Variants in FAT4 observed in about 807,000 individuals in gnomAD.
The protein encoded by FAT4 is protocadherin Fat 4.
A neutral mutation model predicts 303.9 loss-of-function variants in FAT4; 84 were observed. The ratio of observed to expected loss-of-function variants is 0.28; its 90% CI spans 0.23 to 0.33. FAT4 has a LOEUF of 0.33. Among genes scored for constraint, FAT4 ranks in the 10% least tolerant of loss-of-function variants. The pLI is 1.00. For synonymous variants in FAT4, 2,307 were observed against 2,298.8 expected (o/e 1.00, Z -0.10); for missense variants, 6,005 against 6,146.8 (o/e 0.98, Z 0.77).
rs1730540433 is a variant in FAT4, at chr4:125,315,553, GTACAAATAA to G, written c.-435_-427del. On this transcript the variant is annotated 5_prime_UTR_variant, in exon 1 of 18. It removes an upstream start codon present in the reference 5' UTR. Transcript: ENST00000394329. Reference sequence around the variant, plus strand: ...AGGGGAAACTGCGTTCGATTTGGATGTACAAATAATGGGTCGGCAGGCGCCCCGGCAGAG... The same window carrying G: ...AGGGGAAACTGCGTTCGATTTGGATGTGGGTCGGCAGGCGCCCCGGCAGAG... 6.6e-6 allele frequency among the ~76,000 whole-genome samples: 1 copy of G among 152,160 alleles called. No individual in the cohort carries two copies.
Position 125,456,389 on chromosome 4 carries a change from T to C in FAT4, c.11800+3579T>C, listed in dbSNP as rs77384771. Among the ~76,000 whole-genome samples, 358 of 152,308 alleles carry C rather than the reference T, an allele frequency of 2.4e-3. 2 individuals are homozygous for C. Among genetic ancestry groups the C allele is most frequent in the Non-Finnish European group, 4.0e-3 (275 of 68,018 alleles). On this transcript the variant is annotated intron_variant, in intron 10 of 17. Coordinates refer to ENST00000394329, the MANE Select transcript of FAT4 (RefSeq NM_001291303.3). ...GAGTTCACTTCAGTCTTCATTTGCA[T>C]AGTAGGAGATAATCCAACTGATCAG...
At chr4:125,396,206 A>G (rs557907918) in intron 2 of FAT4, among the ~76,000 whole-genome samples, 2 of 152,130 alleles carry the variant, frequency 1.3e-5, no homozygotes, top group East Asian at 3.9e-4. Context: ...TAACTCACCT[A>G]TCCAATGGGA....
At position 125,319,993 on chromosome 4, in the gene FAT4, C is replaced by T; in HGVS notation, c.3582C>T (p.Ala1194=). The change falls in exon 2 of 18, where the codon GCC becomes GCT. Residue 1194 remains alanine, a synonymous_variant. Transcript: ENST00000394329. ...QGIPQPLKDQ[A]TVHVYMKDIN... ...TCCCTCAGCCTCTCAAGGATCAGGCCACTGTACATGTTTACATGAAGGATA... is the reference window on the plus strand; with the variant it reads ...TCCCTCAGCCTCTCAAGGATCAGGCTACTGTACATGTTTACATGAAGGATA... 2 of 1,612,906 alleles carry T rather than the reference C, an allele frequency of 1.2e-6. No individual in the cohort carries two copies. The highest frequency in any genetic ancestry group is 1.7e-6 in the Non-Finnish European group (2 of 1,179,986).
chr4:125,418,616 C>T (rs1004302666), intron 7 of FAT4, among the ~76,000 whole-genome samples: 5 of 150,480 alleles, frequency 3.3e-5, no homozygotes, highest in African/African-American at 1.2e-4. Flanking sequence ...AAACAGACTA[C>T]AATTCCATTA....
chr4:125,431,585 A>G (rs1438371956), intron 7 of FAT4, among the ~76,000 whole-genome samples: 1 of 152,208 alleles, frequency 6.6e-6, no homozygotes, highest in Non-Finnish European at 1.5e-5. Context: ...AACATAGAAT[A>G]TAATTTATGT....
In FAT4 at chr4:125,439,335, CT is replaced by C. The variant is rs748291081; in HGVS notation, c.7199+4925del. On this transcript the variant is annotated intron_variant, in intron 8 of 17. Transcript: ENST00000394329. Reference sequence around the variant, plus strand: ...CAACATTCTAAGGAAGATTTCTTTTCTTTTTTTTTTTTTTTGAGATGGAGTC... The same window carrying C: ...CAACATTCTAAGGAAGATTTCTTTTCTTTTTTTTTTTTTTGAGATGGAGTC... Among the ~76,000 whole-genome samples, 634 of 139,942 alleles carry C rather than the reference CT, an allele frequency of 4.5e-3. 2 individuals carry two copies. The highest frequency in any genetic ancestry group is 8.8e-3 in the African/African-American group (335 of 38,222). The allele number at this position is 139,942 out of a possible 152,430, so 91.8% of individuals were successfully genotyped here.
Position 125,319,405 on chromosome 4 carries a change from A to C in FAT4, c.2994A>C (p.Gln998His), listed in dbSNP as rs1034387310. Reference protein sequence around the residue: ...DVNDNSPVFDQLSYEVTLSES... With the variant: ...DVNDNSPVFDHLSYEVTLSES... ...ATGACAATTCACCAGTGTTTGACCA[A>C]CTCTCTTATGAAGTCACCCTTTCTG... is the stretch of plus-strand genomic sequence containing the variant. The change falls in exon 2 of 18, where the codon CAA becomes CAC. Residue 998 changes from glutamine (Q) to histidine (H), a missense_variant. Coordinates refer to ENST00000394329, the MANE Select transcript of FAT4 (RefSeq NM_001291303.3). The C allele has an allele frequency of 5.6e-6, 9 of 1,613,300 alleles. No individual in the cohort carries two copies. The highest frequency in any genetic ancestry group is 7.6e-6 in the Non-Finnish European group (9 of 1,179,886).
At position 125,321,372 on chromosome 4, in the gene FAT4, C is replaced by T. The variant is rs775639653; in HGVS notation, c.4961C>T (p.Ala1654Val). ...ACAAACGTGATATCAATAGAAGCAG[C>T]TAGCCCCAGAGGATCTGAGGCCCCA... ...IGTNVISIEAASPRGSEAPVE... is the reference protein window; with the variant it reads ...IGTNVISIEAVSPRGSEAPVE... Residue 1654 changes from alanine to valine, a missense_variant, in exon 2 of 18, where the codon GCT becomes GTT. Physicochemically the swap from Ala to Val is moderately conservative, Grantham distance 64. Coordinates refer to ENST00000394329, the MANE Select transcript of FAT4 (RefSeq NM_001291303.3). 2 of 1,614,106 alleles carry T rather than the reference C, an allele frequency of 1.2e-6. No homozygotes were observed. The highest frequency in any genetic ancestry group is 1.7e-6 in the Non-Finnish European group (2 of 1,179,982).
chr4:125,369,315 C>T (rs564768874), intron 2 of FAT4, among the ~76,000 whole-genome samples: 20 of 152,176 alleles, frequency 1.3e-4, no homozygotes, highest in Admixed American at 1.2e-3. Flanking sequence ...TGCATTAATA[C>T]CAGTTACTCA....
At chr4:125,402,509 G>T (rs1434619375) in intron 3 of FAT4, among the ~76,000 whole-genome samples, 2 of 151,908 alleles carry the variant, frequency 1.3e-5, no homozygotes, top group Non-Finnish European at 2.9e-5. Context: ...GGTAAATGTG[G>T]GTAATGTCTT....
Position 125,316,415 on chromosome 4 carries a change from G to T in FAT4, c.4G>T (p.Asp2Tyr), listed in dbSNP as rs372684455. ...ATCGTTTTAGGGAGCCAGGACCATG[G>T]ACTTAGCACCAGACAGGGCTACTGG... M[D>Y]LAPDRATGRP... is the part of the protein sequence containing the mutation. Residue 2 changes from aspartate to tyrosine, a missense_variant, in exon 2 of 18, where the codon GAC (aspartate) becomes TAC (tyrosine). By Grantham distance (160) the Asp-to-Tyr change is radical (BLOSUM62 -3). Coordinates refer to ENST00000394329, the MANE Select transcript of FAT4 (RefSeq NM_001291303.3). This position sits in a 1 kb window ranked among gnomAD's most constrained non-coding sequence, Gnocchi z 5.7. The T allele has an allele frequency of 3.1e-6, 5 of 1,607,520 alleles. No homozygotes were observed. In the African/African-American group the frequency reaches 6.7e-5, roughly 21 times the overall value.
chr4:125,488,205 G>A (rs1233149855), intron 17 of FAT4, among the ~76,000 whole-genome samples: 2 of 152,248 alleles, frequency 1.3e-5, no homozygotes, highest in African/African-American at 2.4e-5. Flanking sequence ...TAAAGAAATC[G>A]TTTAAGCCAA....
intron 10 of FAT4, among the ~76,000 whole-genome samples, chr4:125,459,094 C>G (rs1211731585): frequency 6.6e-6 from 1 of 151,908 alleles, no homozygotes; most frequent in Non-Finnish European, 1.5e-5. Flanking sequence ...ATTCTCCCAT[C>G]TCCTCTGTGT....
At chr4:125,424,787 G>C (rs763942574) in intron 7 of FAT4, among the ~76,000 whole-genome samples, 1 of 152,152 alleles carries the variant, frequency 6.6e-6, no homozygotes, top group South Asian at 2.1e-4. Flanking sequence ...ACATGATGCG[G>C]TTAAATTAAC....
In FAT4 at chr4:125,451,104, G is replaced by A. The variant is rs752591843; in HGVS notation, c.10094G>A (p.Arg3365Gln). The A allele has an allele frequency of 3.1e-6, 5 of 1,614,078 alleles. No individual in the cohort carries two copies. The highest frequency in any genetic ancestry group is 2.2e-5 in the East Asian group (1 of 44,858). The change falls in exon 10 of 18, where the codon CGA becomes CAA. Residue 3365 changes from arginine to glutamine, a missense_variant. By Grantham distance (43) the Arg-to-Gln change is conservative (BLOSUM62 1). Transcript: ENST00000394329. Reference sequence around the variant, plus strand: ...ATTTATGTTTCTGGAATTCTTGATCGAGAAAAAGAAGAAAGGGTGTCTTTG... The same window carrying A: ...ATTTATGTTTCTGGAATTCTTGATCAAGAAAAAGAAGAAAGGGTGTCTTTG... Reference protein sequence around the residue: ...GQIYVSGILDREKEERVSLKV... With the variant: ...GQIYVSGILDQEKEERVSLKV...
At chr4:125,432,756 C>T (rs779990314) in intron 7 of FAT4, among the ~76,000 whole-genome samples, 2 of 151,712 alleles carry the variant, frequency 1.3e-5, no homozygotes, top group Admixed American at 6.6e-5. Context: ...ATTTCTTAGA[C>T]GTCAAAATTT....
rs1415437461 is a variant in FAT4 at position 125,406,983 on chromosome 4, G to T, written c.5411G>T (p.Arg1804Met). The T allele has an allele frequency of 1.9e-6, 3 of 1,613,868 alleles. No homozygotes were observed. The African/African-American group carries it at 4.0e-5, about 22-fold the overall frequency. ...GDLIATRRLD[R>M]ERRSKYSLLV... ...CTGATAGCAACCAGGCGGTTGGACA[G>T]GGAACGCCGCTCCAAATATTCACTG... The change falls in exon 4 of 18, where the codon AGG becomes ATG. Residue 1804 changes from arginine to methionine, a missense_variant. Coordinates refer to ENST00000394329, the MANE Select transcript of FAT4 (RefSeq NM_001291303.3).
intron 7 of FAT4, among the ~76,000 whole-genome samples, chr4:125,425,272 C>T (rs1003053443): frequency 2.0e-5 from 3 of 152,074 alleles, no homozygotes; most frequent in Non-Finnish European, 4.4e-5. Context: ...AAAAACTAAA[C>T]AACTTGTACT....
At chr4:125,365,272 C>G (rs1732833567) in intron 2 of FAT4, among the ~76,000 whole-genome samples, 1 of 152,100 alleles carries the variant, frequency 6.6e-6, no homozygotes, top group Admixed American at 6.6e-5. Flanking sequence ...GATATGTGAA[C>G]TGGAGCACAA....
Sources: allele counts gnomAD v4.1 joint callset (sites outside exome capture counted in the v4.1 genomes callset), GRCh38; gene constraint gnomAD v4.1.1; non-coding constraint Gnocchi (gnomAD v3.1); transcripts MANE v1.5; gene names NCBI Gene and HGNC (gene_info 2026-07-23, HGNC 2026-07-21).